Variants in SPATA7 observed in about 807,000 individuals in gnomAD.
SPATA7 encodes spermatogenesis associated 7.
In SPATA7, 43 loss-of-function variants were observed where a neutral mutation model predicts 51.8. The observed-to-expected ratio is 0.83, with a 90% CI of 0.65 to 1.07. SPATA7 has a LOEUF of 1.07. SPATA7 is among the 50% of genes least tolerant of loss of function. SPATA7 has a pLI of 0.00. For synonymous variants in SPATA7, 230 were observed against 252.8 expected (o/e 0.91, Z 0.86); for missense variants, 683 against 701.3 (o/e 0.97, Z 0.30).
Position 88,385,679 on chromosome 14 carries a change from G to C in SPATA7, c.-140G>C, listed in dbSNP as rs371052337. On this transcript the variant is annotated 5_prime_UTR_variant, in exon 1 of 12. Coordinates refer to ENST00000393545, the MANE Select transcript of SPATA7 (RefSeq NM_018418.5). ...CTCACTGGACCCAGCCCTTAGCAAC[G>C]GCCTGGCAACGGTTTCCCTGCTGCT... 7.3e-6 allele frequency: 6 copies of C among 825,760 alleles called. No homozygotes were observed. In the East Asian group the frequency reaches 7.9e-5, roughly 11 times the overall value. The allele number at this position is 825,760 out of a possible 1,614,324, so 51.2% of individuals were successfully genotyped here.
intron 4 of SPATA7, chr14:88,468,802 A>T: frequency 7.6e-7 from 1 of 1,323,634 alleles, no homozygotes; most frequent in Non-Finnish European, 1.1e-6. Context: ...TAACATCTTG[A>T]GGCCACCACA....
At chr14:88,450,373 A>G (rs547284325) in intron 3 of SPATA7, among the ~76,000 whole-genome samples, 18 of 151,092 alleles carry the variant, frequency 1.2e-4, no homozygotes, top group Admixed American at 2.6e-4. Context: ...TTTTTTTTTC[A>G]TTGTGTTAAA....
Position 88,469,792 on chromosome 14 carries a change from A to G in SPATA7, c.255-55A>G, listed in dbSNP as rs2077429494. Reference sequence around the variant, plus strand: ...ATCCGGCAATGGATGCCTTTCTCACATAGACGGCACATCTGAAACAGAACC... The same window carrying G: ...ATCCGGCAATGGATGCCTTTCTCACGTAGACGGCACATCTGAAACAGAACC... On this transcript the variant is annotated intron_variant, in intron 4 of 4. Coordinates refer to the SPATA7 transcript ENST00000556406. The surrounding 1 kb of genome is among the most constrained non-coding windows in gnomAD (Gnocchi z 4.3). 1.3e-6 allele frequency: 2 copies of G among 1,598,540 alleles called. No individual in the cohort carries two copies. Among genetic ancestry groups the G allele is most frequent in the Non-Finnish European group, 1.7e-6 (2 of 1,165,996 alleles).
chr14:88,406,941 T>C (rs889289484), intron 4 of SPATA7, among the ~76,000 whole-genome samples: 5 of 152,212 alleles, frequency 3.3e-5, no homozygotes, highest in African/African-American at 4.8e-5. Context: ...CATGAACTCA[T>C]TCTTTTTTAT....
At chr14:88,467,652 A>G (rs1036684801) in intron 4 of SPATA7, 2 of 152,628 alleles carry the variant, frequency 1.3e-5, no homozygotes, top group African/African-American at 4.8e-5. Flanking sequence ...TGATTTTTAA[A>G]TACAAAGTTA....
chr14:88,439,338 G>C (rs1349040701), downstream of SPATA7, among the ~76,000 whole-genome samples: 2 of 151,446 alleles, frequency 1.3e-5, no homozygotes, highest in African/African-American at 4.8e-5. Flanking sequence ...AGTCAGACCT[G>C]TCTGAAGCCC....
intron 4 of SPATA7, among the ~76,000 whole-genome samples, chr14:88,401,079 A>G (rs571987441): frequency 4.6e-5 from 7 of 152,348 alleles, no homozygotes; most frequent in African/African-American, 1.7e-4. Flanking sequence ...TCTGATTGAT[A>G]TAAGTGCAGA....
chr14:88,427,480 CAAATA>C, intron 6 of SPATA7, 145 bp from the exon 7 acceptor site: 2 of 595,610 alleles, frequency 3.4e-6, no homozygotes, highest in South Asian at 4.5e-5. Context: ...GATATTTAAT[CAAATA>C]AAATCAAATA....
chr14:88,434,471 G>C (rs554457172), intron 10 of SPATA7, among the ~76,000 whole-genome samples: 128 of 152,222 alleles, frequency 8.4e-4, no homozygotes, highest in African/African-American at 3.0e-3. Context: ...CGGATCACAA[G>C]GTCAGGAGTT....
chr14:88,399,627 C>T (rs1211530288), intron 4 of SPATA7, among the ~76,000 whole-genome samples: 1 of 152,044 alleles, frequency 6.6e-6, no homozygotes, highest in Non-Finnish European at 1.5e-5. Context: ...TTTTTTGTAG[C>T]ACAAAACTGG....
Position 88,395,559 on chromosome 14 carries a change from G to A in SPATA7, c.191-597G>A, listed in dbSNP as rs550494717. On this transcript the variant is annotated intron_variant, in intron 3 of 11. Transcript: ENST00000393545. ...TTTTAGCCCTTACATTTAAATTTGC[G>A]ATCCATTTTGAGTTAGTTTTTGTAT... Among the ~76,000 whole-genome samples, 11 of 151,990 alleles carry A rather than the reference G, an allele frequency of 7.2e-5. No homozygotes were observed. The East Asian group carries it at 1.9e-3, about 27-fold the overall frequency.
Position 88,386,223 on chromosome 14 carries a change from T to C in SPATA7, c.19+386T>C, listed in dbSNP as rs141115773. On this transcript the variant is annotated intron_variant, in intron 1 of 11. Coordinates refer to ENST00000393545, the MANE Select transcript of SPATA7 (RefSeq NM_018418.5). ...ATGGAGACGACCCTCAGTTTTCTTA[T>C]CTCTTGAACGTGAGGGTCAAATACC... 2.6e-5 allele frequency among the ~76,000 whole-genome samples: 4 copies of C among 152,268 alleles called. No individual in the cohort carries two copies. In the East Asian group the frequency reaches 7.7e-4, roughly 29 times the overall value.
At chr14:88,459,576 C>T (rs1310867256), downstream of SPATA7, among the ~76,000 whole-genome samples, 1 of 152,092 alleles carries the variant, frequency 6.6e-6, no homozygotes, top group African/African-American at 2.4e-5. Flanking sequence ...GGTAGATCTT[C>T]CTCCATCCCT....
rs747589910 is a variant in SPATA7, at chr14:88,469,448, T to C, written c.255-399T>C. On this transcript the variant is annotated intron_variant, in intron 4 of 4. Coordinates refer to the SPATA7 transcript ENST00000556406. This position sits in a 1 kb window ranked among gnomAD's most constrained non-coding sequence, Gnocchi z 4.3. ...TCGGAAACATAAATGTTCCTCTCTG[T>C]TTAACACCTCCAGAGGCAGCTGTCC... 3 of 1,444,090 alleles carry C rather than the reference T, an allele frequency of 2.1e-6. No individual in the cohort carries two copies. The South Asian group carries it at 3.4e-5, about 17-fold the overall frequency. The allele number at this position is 1,444,090 out of a possible 1,614,324, so 89.5% of individuals were successfully genotyped here.
At chr14:88,434,563 T>A (rs1040773935) in intron 10 of SPATA7, among the ~76,000 whole-genome samples, 2 of 151,650 alleles carry the variant, frequency 1.3e-5, no homozygotes, top group African/African-American at 2.4e-5. Context: ...TGCGCGCCTG[T>A]AGTCCCAGCT....
At chr14:88,437,341 A>T (rs1346364285) in intron 10 of SPATA7, among the ~76,000 whole-genome samples, 1 of 152,102 alleles carries the variant, frequency 6.6e-6, no homozygotes, top group Non-Finnish European at 1.5e-5. Flanking sequence ...AGTAGCATAC[A>T]GTCTTTCAGA....
chr14:88,448,439 C>T (rs1386135552), intron 3 of SPATA7, among the ~76,000 whole-genome samples: 16 of 152,130 alleles, frequency 1.1e-4, no homozygotes, highest in Non-Finnish European at 1.3e-4. Context: ...AATGTCCTCC[C>T]GTAGCTCGGA....
At chr14:88,418,548 C>G (rs1172568982) in intron 5 of SPATA7, among the ~76,000 whole-genome samples, 1 of 148,906 alleles carries the variant, frequency 6.7e-6, no homozygotes, top group Non-Finnish European at 1.5e-5. Context: ...GATCTCGGCT[C>G]ACTGCAACCT....
intron 4 of SPATA7, chr14:88,467,901 A>G (rs909815204): frequency 8.5e-6 from 5 of 589,448 alleles, no homozygotes; most frequent in Non-Finnish European, 1.5e-5. Context: ...AGACCGGGGC[A>G]GGGCAAGGCC....
Sources: gnomAD v4.1 joint callset for allele counts (sites outside exome capture counted in the v4.1 genomes callset) on GRCh38, gnomAD v4.1.1 for gene constraint, Gnocchi (gnomAD v3.1) non-coding constraint, MANE v1.5 for transcripts, NCBI Gene and HGNC (gene_info 2026-07-23, HGNC 2026-07-21) for gene names.